EPS15: variants seen among roughly 807,000 people sequenced by gnomAD.
EPS15 encodes the protein epidermal growth factor receptor substrate 15.
In EPS15, 72 loss-of-function variants were observed where a neutral mutation model predicts 113.8. The observed-to-expected ratio is 0.63, with a 90% CI of 0.52 to 0.77. The LOEUF (loss-of-function observed/expected upper bound fraction) is 0.77. EPS15 is among the 30% of genes least tolerant of loss of function. The pLI is 0.00. For missense variants in EPS15, 1,048 were observed against 1,045.8 expected (o/e 1.00, Z -0.03); for synonymous variants, 344 against 363.4 (o/e 0.95, Z 0.61).
At chr1:51,374,225 G>A (rs1646730133) in intron 21 of EPS15, among the ~76,000 whole-genome samples, 2 of 152,140 alleles carry the variant, frequency 1.3e-5, no homozygotes, top group African/African-American at 2.4e-5. Context: ...TGCATTTTCT[G>A]TCAGGAGTTA....
rs1275814961 is a variant in EPS15, at chr1:51,472,911, T to A, written c.113A>T (p.Asp38Val). The change falls in exon 3 of 25, where the codon GAT becomes GTT. Residue 38 changes from aspartate (D) to valine (V), a missense_variant. Transcript: ENST00000371733. ...TGNTGRVLAS[D>V]AAAFLKKSGL... ...TGATTTTTTCAGGAAAGCAGCAGCA[T>A]CAGAAGCCAACACCCTTCCAGTATT... is the stretch of plus-strand genomic sequence containing the variant. 1.9e-6 allele frequency: 3 copies of A among 1,613,854 alleles called. No individual in the cohort carries two copies. Among genetic ancestry groups the A allele is most frequent in the Non-Finnish European group, 2.5e-6 (3 of 1,179,782 alleles).
intron 18 of EPS15, among the ~76,000 whole-genome samples, chr1:51,401,654 G>C (rs1322995250): frequency 3.3e-5 from 5 of 152,210 alleles, no homozygotes; most frequent in Non-Finnish European, 7.3e-5. Context: ...TTCCAAAGAA[G>C]ATACACAAAT....
intron 2 of EPS15, among the ~76,000 whole-genome samples, chr1:51,474,680 T>TTATTA (rs1557504713): frequency 6.6e-6 from 1 of 151,638 alleles, no homozygotes; most frequent in Non-Finnish European, 1.5e-5. Flanking sequence ...GTTTTCTTTT[T>TTATTA]TTATTATTAT....
chr1:51,420,573 T>C (rs909760032), intron 13 of EPS15, among the ~76,000 whole-genome samples: 4 of 152,184 alleles, frequency 2.6e-5, no homozygotes, highest in Non-Finnish European at 2.9e-5. Context: ...CTCTTTTGCA[T>C]TTCCTAAGAA....
intron 13 of EPS15, among the ~76,000 whole-genome samples, chr1:51,410,236 A>G (rs1317615280): frequency 6.6e-6 from 1 of 151,746 alleles, no homozygotes; most frequent in Non-Finnish European, 1.5e-5. Flanking sequence ...CTCAAAAAAA[A>G]AAAAATTAGC....
rs796087582 is a variant in EPS15, at chr1:51,354,371, G to A, written c.*2329C>T. 5.6e-6 allele frequency: 1 copy of A among 180,048 alleles called. No individual in the cohort carries two copies. The highest frequency in any genetic ancestry group is 2.4e-5 in the African/African-American group (1 of 42,458). The allele number at this position is 180,048 out of a possible 1,614,324, so 11.2% of individuals were successfully genotyped here. On this transcript the variant is annotated 3_prime_UTR_variant, in exon 25 of 25. Coordinates refer to ENST00000371733, the MANE Select transcript of EPS15 (RefSeq NM_001981.3). Reference sequence around the variant, plus strand: ...CCTACTCCTCCTTGGACACAGCATGGACATAATCAGAGAACCATGCAAAAC... The same window carrying A: ...CCTACTCCTCCTTGGACACAGCATGAACATAATCAGAGAACCATGCAAAAC...
At chr1:51,431,027 C>CACACACAAAA (rs1491306539) in intron 12 of EPS15, among the ~76,000 whole-genome samples, 1 of 96,038 alleles carries the variant, frequency 1.0e-5, no homozygotes, top group Non-Finnish European at 2.1e-5. Flanking sequence ...CACACACACA[C>CACACACAAAA]AAAAATAAAA....
At chr1:51,416,750 A>G (rs1650256959) in intron 13 of EPS15, among the ~76,000 whole-genome samples, 1 of 152,012 alleles carries the variant, frequency 6.6e-6, no homozygotes, top group East Asian at 1.9e-4. Context: ...AGTTATCTGA[A>G]AAGTTAAACC....
At chr1:51,482,447 A>C (rs1644037304) in intron 1 of EPS15, among the ~76,000 whole-genome samples, 2 of 152,138 alleles carry the variant, frequency 1.3e-5, no homozygotes, top group South Asian at 4.1e-4. Context: ...ATTTTGTAGA[A>C]GACAACTTAT....
At chr1:51,475,142 A>G (rs961244862) in intron 2 of EPS15, among the ~76,000 whole-genome samples, 8 of 152,168 alleles carry the variant, frequency 5.3e-5, no homozygotes, top group African/African-American at 1.4e-4. Flanking sequence ...CAATAAACAT[A>G]TGTGTGCATG....
chr1:51,492,812 C>T (rs897085984), intron 1 of EPS15, among the ~76,000 whole-genome samples: 4 of 152,176 alleles, frequency 2.6e-5, no homozygotes, highest in Non-Finnish European at 4.4e-5. Context: ...TTTGTAGCCC[C>T]TCAAATGGCA....
chr1:51,501,907 T>C (rs1056591445), intron 1 of EPS15, among the ~76,000 whole-genome samples: 2 of 152,236 alleles, frequency 1.3e-5, no homozygotes, highest in South Asian at 4.2e-4. Context: ...AGTTTTCAGG[T>C]GCTGATAGTA....
chr1:51,374,783 G>A (rs999615204), intron 21 of EPS15, among the ~76,000 whole-genome samples: 2 of 151,386 alleles, frequency 1.3e-5, no homozygotes, highest in East Asian at 1.9e-4. Flanking sequence ...TTGCTCAGGC[G>A]AGCAACATCT....
chr1:51,411,515 T>C (rs1389144114), intron 13 of EPS15, among the ~76,000 whole-genome samples: 43 of 152,238 alleles, frequency 2.8e-4, no homozygotes. Flanking sequence ...TCAGTCCTTA[T>C]TTTAAGAGAC....
chr1:51,486,091 C>T (rs569153654), intron 1 of EPS15, among the ~76,000 whole-genome samples: 3 of 151,938 alleles, frequency 2.0e-5, no homozygotes, highest in South Asian at 2.1e-4. Context: ...AGCCACCATG[C>T]GCAGTCGAGT....
chr1:51,482,029 G>T (rs1382645640), intron 1 of EPS15, among the ~76,000 whole-genome samples: 1 of 152,170 alleles, frequency 6.6e-6, no homozygotes, highest in Non-Finnish European at 1.5e-5. Flanking sequence ...AATTGGCCAG[G>T]TGTGGTGGCA....
intron 13 of EPS15, among the ~76,000 whole-genome samples, chr1:51,413,410 G>C (rs1239910762): frequency 2.0e-5 from 3 of 152,158 alleles, no homozygotes; most frequent in African/African-American, 4.8e-5. Context: ...CTTGTACAAT[G>C]CCTAGCACAT....
intron 24 of EPS15, among the ~76,000 whole-genome samples, chr1:51,360,246 T>TAA (rs1244477587): frequency 6.6e-6 from 1 of 152,146 alleles, no homozygotes; most frequent in Admixed American, 6.5e-5. Context: ...CATAAGGTGA[T>TAA]AAATAGAAGA....
intron 1 of EPS15, among the ~76,000 whole-genome samples, chr1:51,499,518 T>C (rs1644378371): frequency 6.6e-6 from 1 of 152,230 alleles, no homozygotes; most frequent in Non-Finnish European, 1.5e-5. Flanking sequence ...CCATTTATTT[T>C]GAATTTTTTT....
Sources: gnomAD v4.1 joint callset for allele counts (sites outside exome capture counted in the v4.1 genomes callset) on GRCh38, gnomAD v4.1.1 for gene constraint, MANE v1.5 for transcripts, NCBI Gene and HGNC (gene_info 2026-07-23, HGNC 2026-07-21) for gene names.